Variants in PIR observed in about 807,000 individuals in gnomAD.
The protein encoded by PIR is pirin, also known as pirin (iron-binding nuclear protein).
Under a neutral mutation model 24.2 loss-of-function variants are expected in PIR, and 22 were observed. The ratio of observed to expected loss-of-function variants is 0.91; its 90% CI spans 0.65 to 1.30. PIR has a LOEUF of 1.30. Ranked by LOEUF, PIR falls within the 50% of genes most tolerant of loss-of-function variation. The pLI, the probability that PIR is intolerant of heterozygous loss-of-function variation, is 0.00. For missense variants in PIR, 220 were observed against 220.3 expected (o/e 1.00, Z 0.01); for synonymous variants, 80 against 79.6 (o/e 1.00, Z -0.03).
chrX:15,465,950 T>C (rs1024725569), intron 3 of PIR, among the ~76,000 whole-genome samples: 7 of 110,704 alleles, frequency 6.3e-5, no homozygotes, highest in East Asian at 2.8e-4. Flanking sequence ...AAAATGTTTA[T>C]ATTACAGGGA....
intron 3 of PIR, among the ~76,000 whole-genome samples, chrX:15,466,733 C>T (rs1295534348): frequency 1.8e-5 from 2 of 111,806 alleles, no homozygotes; most frequent in Non-Finnish European, 3.8e-5. Context: ...AGATCCCATT[C>T]GTGGATCTTC....
intron 6 of PIR, among the ~76,000 whole-genome samples, chrX:15,422,182 C>T (rs1257670766): frequency 9.1e-6 from 1 of 110,386 alleles, no homozygotes; most frequent in Non-Finnish European, 1.9e-5. Flanking sequence ...GACAAACCCA[C>T]AGCTATCACC....
At chrX:15,419,951 CT>C (rs1218843351) in intron 6 of PIR, among the ~76,000 whole-genome samples, 1 of 108,724 alleles carries the variant, frequency 9.2e-6, no homozygotes, top group African/African-American at 3.4e-5. Context: ...GTAATCCCAA[CT>C]TTGGGAGGCC....
intron 3 of PIR, among the ~76,000 whole-genome samples, chrX:15,476,903 T>C (rs763635795): frequency 8.9e-6 from 1 of 112,021 alleles, no homozygotes; most frequent in Non-Finnish European, 1.9e-5. Flanking sequence ...ACAACCATCA[T>C]GGCAGATGCT....
chrX:15,477,508 T>C (rs1366119848), intron 3 of PIR, among the ~76,000 whole-genome samples: 2 of 111,972 alleles, frequency 1.8e-5, no homozygotes, highest in Non-Finnish European at 3.8e-5. Flanking sequence ...TTAATTAACA[T>C]TGAACTCTAG....
chrX:15,439,762 T>TC (rs1446192826), intron 5 of PIR, among the ~76,000 whole-genome samples: 1 of 112,207 alleles, frequency 8.9e-6, no homozygotes, highest in Non-Finnish European at 1.9e-5. Flanking sequence ...AAAACAAATT[T>TC]CCCAAGGTCA....
intron 5 of PIR, among the ~76,000 whole-genome samples, chrX:15,447,875 G>A (rs1394202361): frequency 8.9e-6 from 1 of 111,828 alleles, no homozygotes; most frequent in Non-Finnish European, 1.9e-5. Flanking sequence ...GACACCTTGG[G>A]TTTTTTTAAT....
chrX:15,396,798 T>A (rs1029295797), intron 8 of PIR, among the ~76,000 whole-genome samples: 4 of 108,977 alleles, frequency 3.7e-5, no homozygotes, highest in African/African-American at 1.4e-4. Context: ...TGGAGTGCAG[T>A]GGCGCAATCT....
At chrX:15,469,269 A>C (rs1473127641) in intron 3 of PIR, among the ~76,000 whole-genome samples, 1 of 112,205 alleles carries the variant, frequency 8.9e-6, no homozygotes, top group African/African-American at 3.2e-5. Flanking sequence ...CAGTCTTTTA[A>C]ATAAAATAAA....
At chrX:15,390,318 T>C in intron 8 of PIR, 67 bp from the exon 9 acceptor site, 1 of 633,042 alleles carries the variant, frequency 1.6e-6, no homozygotes, top group Non-Finnish European at 2.5e-6. Context: ...TTGTGAACAA[T>C]TTGAAATTGA....
At position 15,467,105 on chromosome X, in the gene PIR, C is replaced by G. The variant is rs1921639596; in HGVS notation, c.190-7365G>C. ...TGAATGAATGAATTGATCAATCAAT[C>G]GATGGATGGATGGATGAATAGCATC... On this transcript the variant is annotated intron_variant, in intron 3 of 9. Transcript: ENST00000380420. 2.7e-5 allele frequency among the ~76,000 whole-genome samples: 3 copies of G among 112,313 alleles called. No homozygotes were observed. The South Asian group carries it at 1.1e-3, about 41-fold the overall frequency.
At chrX:15,423,967 G>A (rs903775902) in intron 6 of PIR, among the ~76,000 whole-genome samples, 1 of 112,239 alleles carries the variant, frequency 8.9e-6, no homozygotes, top group Admixed American at 9.4e-5. Context: ...TATACAGTCA[G>A]TGAGAATGTA....
intron 3 of PIR, among the ~76,000 whole-genome samples, chrX:15,470,794 G>A (rs1208039349): frequency 9.1e-6 from 1 of 109,694 alleles, no homozygotes; most frequent in Non-Finnish European, 1.9e-5. Flanking sequence ...GTAGAGACGG[G>A]GTTTCACCAT....
intron 5 of PIR, among the ~76,000 whole-genome samples, chrX:15,428,657 G>GTC (rs1259594883): frequency 9.1e-6 from 1 of 110,089 alleles, no homozygotes; most frequent in Non-Finnish European, 1.9e-5. Context: ...CTTTCTCTCT[G>GTC]TCTCTCTCTC....
chrX:15,403,993 C>CTTTTTTTTTTTTTTTTTTT (rs151011282), intron 7 of PIR, among the ~76,000 whole-genome samples: 2 of 89,910 alleles, frequency 2.2e-5, no homozygotes, highest in Non-Finnish European at 2.2e-5. Context: ...CCAGCATTTT[C>CTTTTTTTTTTTTTTTTTTT]TTTTTTTTTT....
chrX:15,478,073 CATTTT>C (rs1922304478), intron 3 of PIR, among the ~76,000 whole-genome samples: 1 of 103,010 alleles, frequency 9.7e-6, no homozygotes, highest in Admixed American at 1.1e-4. Flanking sequence ...TTTAATCATT[CATTTT>C]ATTTAATATA....
chrX:15,481,474 TTTTCCTCAATG>T (rs1922497459), intron 2 of PIR, among the ~76,000 whole-genome samples: 1 of 112,274 alleles, frequency 8.9e-6, no homozygotes, highest in South Asian at 3.7e-4. Context: ...TAATATTTAG[TTTTCCTCAATG>T]TTTCCTCAAT....
chrX:15,423,096 C>G (rs958095836), intron 6 of PIR, among the ~76,000 whole-genome samples: 1 of 111,411 alleles, frequency 9.0e-6, no homozygotes, highest in Non-Finnish European at 1.9e-5. Flanking sequence ...GAAATTAGAC[C>G]CCTATCTCTT....
At chrX:15,395,528 T>C (rs1924103611) in intron 8 of PIR, among the ~76,000 whole-genome samples, 1 of 112,241 alleles carries the variant, frequency 8.9e-6, no homozygotes, top group Admixed American at 9.4e-5. Flanking sequence ...CTGACCCCCA[T>C]GCTCAATCTG....
Sources: allele counts gnomAD v4.1 joint callset (sites outside exome capture counted in the v4.1 genomes callset), GRCh38; gene constraint gnomAD v4.1.1; transcripts MANE v1.5; gene names NCBI Gene and HGNC (gene_info 2026-07-23, HGNC 2026-07-21).